The following CNTN5 variants were observed in gnomAD, a reference collection of about 807,000 sequenced individuals.
The protein encoded by CNTN5 is contactin 5.
In CNTN5, 77 loss-of-function variants were observed where a neutral mutation model predicts 129.1. That is an observed-to-expected ratio of 0.60 (90% CI 0.50 to 0.72). CNTN5 has a LOEUF of 0.72. Among genes scored for constraint, CNTN5 ranks in the 30% least tolerant of loss-of-function variants. CNTN5 has a pLI of 0.00. For missense variants in CNTN5, 1,478 were observed against 1,328.8 expected, an observed-to-expected ratio of 1.11 and a Z score of -1.75; for synonymous variants, 509 against 465.6, an observed-to-expected ratio of 1.09 and a Z score of -1.20.
At chr11:99,043,694 T>C (rs948828885) in intron 1 of CNTN5, among the ~76,000 whole-genome samples, 2 of 152,200 alleles carry the variant, frequency 1.3e-5, no homozygotes, top group Non-Finnish European at 2.9e-5. Context: ...TTAAGTATTA[T>C]TCACATTCAA....
intron 1 of CNTN5, among the ~76,000 whole-genome samples, chr11:99,230,262 A>G (rs1386180731): frequency 6.6e-6 from 1 of 152,158 alleles, no homozygotes; most frequent in Non-Finnish European, 1.5e-5. Flanking sequence ...ATAACAAGAT[A>G]TAACAACAAA....
At chr11:99,403,650 T>A (rs1941935179) in intron 2 of CNTN5, among the ~76,000 whole-genome samples, 1 of 152,200 alleles carries the variant, frequency 6.6e-6, no homozygotes, top group African/African-American at 2.4e-5. Context: ...AATTTCCATA[T>A]AGTCCTATAG....
At chr11:99,537,629 A>G (rs965890672) in intron 2 of CNTN5, among the ~76,000 whole-genome samples, 2 of 152,162 alleles carry the variant, frequency 1.3e-5, no homozygotes, top group Admixed American at 1.3e-4. Flanking sequence ...CAACCCCACC[A>G]TCACAACCAC....
At chr11:100,070,950 C>A (rs983031493) in intron 11 of CNTN5, among the ~76,000 whole-genome samples, 1 of 150,614 alleles carries the variant, frequency 6.6e-6, no homozygotes, top group African/African-American at 2.4e-5. Flanking sequence ...TAAAATTGCT[C>A]GGTATCTTCG....
intron 16 of CNTN5, among the ~76,000 whole-genome samples, chr11:100,229,742 TTAGATTC>T (rs1298717466): frequency 1.3e-5 from 2 of 152,222 alleles, no homozygotes; most frequent in Non-Finnish European, 2.9e-5. Flanking sequence ...TGTGATCCAA[TTAGATTC>T]TAAATTGATG....
intron 2 of CNTN5, among the ~76,000 whole-genome samples, chr11:99,513,329 A>T (rs903176704): frequency 6.6e-6 from 1 of 152,152 alleles, no homozygotes; most frequent in African/African-American, 2.4e-5. Context: ...TGCACGGTGA[A>T]ACAGCAAGTG....
chr11:99,639,621 A>G (rs1331471064), intron 3 of CNTN5, among the ~76,000 whole-genome samples: 1 of 127,296 alleles, frequency 7.9e-6, no homozygotes, highest in Non-Finnish European at 1.6e-5. Context: ...CTGGAGTGCA[A>G]TGGTGCAATC....
chr11:99,640,833 T>C (rs894530540), intron 3 of CNTN5, among the ~76,000 whole-genome samples: 2 of 152,206 alleles, frequency 1.3e-5, no homozygotes, highest in Admixed American at 1.3e-4. Context: ...TGTATCCCCC[T>C]TGTTAAGCAA....
In CNTN5 at chr11:99,920,640, C is replaced by A. The variant is rs185125755; in HGVS notation, c.673+4491C>A. Among the ~76,000 whole-genome samples the A allele has an allele frequency of 7.2e-4, 109 of 152,282 alleles. 1 individual carries two copies. In the Middle Eastern group the frequency reaches 0.01, roughly 14 times the overall value. ...CTTTCTCTACACCCTACATACAAACCATCAGTAATTTTACTGGTGTCAGCC... is the reference window on the plus strand; with the variant it reads ...CTTTCTCTACACCCTACATACAAACAATCAGTAATTTTACTGGTGTCAGCC... On this transcript the variant is annotated intron_variant, in intron 7 of 24. Transcript: ENST00000524871.
At chr11:100,144,729 T>A (rs1465881266) in intron 13 of CNTN5, among the ~76,000 whole-genome samples, 1 of 100,710 alleles carries the variant, frequency 9.9e-6, no homozygotes, top group Non-Finnish European at 2.1e-5. Context: ...CCTATTGGAG[T>A]GAGGAATTTT....
chr11:99,147,424 G>T (rs958485761), intron 1 of CNTN5, among the ~76,000 whole-genome samples: 2 of 152,158 alleles, frequency 1.3e-5, no homozygotes, highest in South Asian at 2.1e-4. Flanking sequence ...AGTCTGAAAA[G>T]AATTCCAGAG....
chr11:99,890,206 A>G (rs1439546586), intron 6 of CNTN5, among the ~76,000 whole-genome samples: 1 of 152,230 alleles, frequency 6.6e-6, no homozygotes, highest in East Asian at 1.9e-4. Flanking sequence ...ACAACATTCC[A>G]CAGTGGTGGG....
intron 15 of CNTN5, among the ~76,000 whole-genome samples, chr11:100,213,374 T>C (rs985087862): frequency 2.0e-5 from 3 of 152,182 alleles, no homozygotes; most frequent in Non-Finnish European, 4.4e-5. Context: ...GACAATAATC[T>C]ACAGGGTCTC....
intron 6 of CNTN5, among the ~76,000 whole-genome samples, chr11:99,849,086 AAAG>A (rs1043212237): frequency 3.4e-4 from 51 of 152,156 alleles, no homozygotes; most frequent in African/African-American, 1.0e-3. Context: ...TATTCATAAA[AAAG>A]GTACTAATTT....
At chr11:99,107,042 C>A (rs1216474535) in intron 1 of CNTN5, among the ~76,000 whole-genome samples, 3 of 152,076 alleles carry the variant, frequency 2.0e-5, no homozygotes, top group African/African-American at 4.8e-5. Flanking sequence ...GGTACCTATC[C>A]AAAATGCTAT....
chr11:99,820,940 G>C (rs977074706), intron 4 of CNTN5, among the ~76,000 whole-genome samples: 4 of 152,184 alleles, frequency 2.6e-5, no homozygotes, highest in Non-Finnish European at 5.9e-5. Context: ...CTTATCCTTT[G>C]TGATTATACC....
chr11:99,811,966 A>G (rs554618404), intron 3 of CNTN5, among the ~76,000 whole-genome samples: 3 of 152,146 alleles, frequency 2.0e-5, no homozygotes, highest in Non-Finnish European at 4.4e-5. Context: ...AGAAAAAGGT[A>G]TGGGTTTGAG....
chr11:99,058,883 T>C (rs991237533), intron 1 of CNTN5, among the ~76,000 whole-genome samples: 6 of 151,186 alleles, frequency 4.0e-5, no homozygotes, highest in African/African-American at 1.5e-4. Flanking sequence ...TGAATGGAGG[T>C]TGGGGAGAAA....
intron 7 of CNTN5, among the ~76,000 whole-genome samples, chr11:99,956,418 A>G (rs952479590): frequency 1.7e-4 from 26 of 152,136 alleles, no homozygotes; most frequent in Non-Finnish European, 2.8e-4. Flanking sequence ...AATAAGGTCT[A>G]TATCTGTATC....
Sources: gnomAD v4.1 joint callset for allele counts (sites outside exome capture counted in the v4.1 genomes callset) on GRCh38, gnomAD v4.1.1 for gene constraint, MANE v1.5 for transcripts, NCBI Gene and HGNC (gene_info 2026-07-23, HGNC 2026-07-21) for gene names.